The following ATP8A1 variants were observed in gnomAD, a reference collection of about 807,000 sequenced individuals.
ATP8A1 encodes the protein phospholipid-transporting ATPase IA.
ATP8A1 carries 90 observed loss-of-function variants against 177.7 expected under a neutral mutation model. The ratio of observed to expected loss-of-function variants is 0.51; its 90% CI spans 0.43 to 0.60. The LOEUF (loss-of-function observed/expected upper bound fraction) is 0.60. ATP8A1 is among the 20% of genes least tolerant of loss of function. The probability of loss-of-function intolerance (pLI) is 0.00; values close to 1 mark genes in which losing one functional copy is unlikely to be tolerated. For missense variants in ATP8A1, 1,072 were observed against 1,392.8 expected, an observed-to-expected ratio of 0.77 and a Z score of 3.67; for synonymous variants, 493 against 485.9, an observed-to-expected ratio of 1.01 and a Z score of -0.19.
chr4:42,636,146 A>AAACG (rs1739331015), intron 1 of ATP8A1, among the ~76,000 whole-genome samples: 1 of 28,934 alleles, frequency 3.5e-5, no homozygotes, highest in South Asian at 1.3e-3. Context: ...ACACACACAC[A>AAACG]CACACACACA....
intron 32 of ATP8A1, among the ~76,000 whole-genome samples, chr4:42,444,113 C>G (rs1716950581): frequency 6.6e-6 from 1 of 152,156 alleles, no homozygotes; most frequent in South Asian, 2.1e-4. Context: ...TTTCCGGGGT[C>G]TCTACTGGAC....
intron 3 of ATP8A1, chr4:42,625,402 T>C: frequency 2.5e-6 from 1 of 405,142 alleles, no homozygotes; most frequent in African/African-American, 2.1e-5. Flanking sequence ...CCTTGCCACA[T>C]CAAATTTATA....
At chr4:42,584,438 G>A (rs936949137) in intron 9 of ATP8A1, among the ~76,000 whole-genome samples, 6 of 152,198 alleles carry the variant, frequency 3.9e-5, no homozygotes, top group South Asian at 2.1e-4. Flanking sequence ...TCAGGCACCT[G>A]TTCTAATCAA....
chr4:42,523,659 A>C (rs969952622), intron 21 of ATP8A1, among the ~76,000 whole-genome samples: 1 of 152,152 alleles, frequency 6.6e-6, no homozygotes, highest in Non-Finnish European at 1.5e-5. Context: ...ATTAAAATCT[A>C]TGAGTTGAGT....
chr4:42,545,829 C>T (rs928895389), intron 19 of ATP8A1, among the ~76,000 whole-genome samples: 7 of 152,080 alleles, frequency 4.6e-5, no homozygotes, highest in Non-Finnish European at 1.0e-4. Context: ...CAAAGATTAG[C>T]CAGGCATGGT....
At chr4:42,438,913 G>A (rs1394113133) in intron 33 of ATP8A1, among the ~76,000 whole-genome samples, 1 of 152,140 alleles carries the variant, frequency 6.6e-6, no homozygotes, top group Non-Finnish European at 1.5e-5. Flanking sequence ...CATAGCGCCT[G>A]GAGAACTCAG....
chr4:42,422,324 T>C (rs1224645606), intron 35 of ATP8A1, among the ~76,000 whole-genome samples: 1 of 152,164 alleles, frequency 6.6e-6, no homozygotes, highest in African/African-American at 2.4e-5. Flanking sequence ...ACTCCTGACC[T>C]TGTTATCTGC....
chr4:42,507,184 A>G (rs777267502), intron 22 of ATP8A1, 30 bp from the exon 23 acceptor site: 23 of 1,609,400 alleles, frequency 1.4e-5, no homozygotes, highest in Non-Finnish European at 1.9e-5. Context: ...GAAATGTTTT[A>G]AAAATCCGTT....
intron 6 of ATP8A1, among the ~76,000 whole-genome samples, chr4:42,594,033 G>A (rs1734470443): frequency 6.6e-6 from 1 of 152,022 alleles, no homozygotes; most frequent in African/African-American, 2.4e-5. Flanking sequence ...CCCCACAAAA[G>A]ATCTGGATAG....
At chr4:42,635,792 T>C (rs1312523225) in intron 1 of ATP8A1, among the ~76,000 whole-genome samples, 1 of 105,682 alleles carries the variant, frequency 9.5e-6, no homozygotes, top group African/African-American at 4.1e-5. Flanking sequence ...CATATATATA[T>C]ATATATATAT....
chr4:42,414,057 C>T (rs1712942201), intron 36 of ATP8A1, among the ~76,000 whole-genome samples: 1 of 149,312 alleles, frequency 6.7e-6, no homozygotes, highest in African/African-American at 2.5e-5. Flanking sequence ...AAGCATTAGA[C>T]ATGAGTATAC....
chr4:42,625,835 G>T, intron 2 of ATP8A1, 122 bp from the exon 3 acceptor site: 1 of 508,046 alleles, frequency 2.0e-6, no homozygotes, highest in Non-Finnish European at 3.5e-6. Flanking sequence ...TTTCAAATTG[G>T]GAGAATATTG....
intron 33 of ATP8A1, among the ~76,000 whole-genome samples, chr4:42,429,974 G>A (rs1333499643): frequency 6.6e-6 from 1 of 152,170 alleles, no homozygotes; most frequent in East Asian, 1.9e-4. Context: ...AGGGGAAAAG[G>A]AGAATGGGGA....
chr4:42,600,208 C>T (rs1052860124), intron 6 of ATP8A1, among the ~76,000 whole-genome samples: 10 of 151,910 alleles, frequency 6.6e-5, no homozygotes, highest in African/African-American at 1.9e-4. Flanking sequence ...CAAAACAGTT[C>T]ATGGTTAAAT....
chr4:42,514,986 T>C (rs1040251621), intron 22 of ATP8A1, among the ~76,000 whole-genome samples: 2 of 152,194 alleles, frequency 1.3e-5, no homozygotes, highest in African/African-American at 4.8e-5. Flanking sequence ...ATTGTTAAAA[T>C]TAATAAATTA....
intron 4 of ATP8A1, among the ~76,000 whole-genome samples, chr4:42,624,085 T>C (rs946697240): frequency 6.6e-6 from 1 of 152,046 alleles, no homozygotes; most frequent in African/African-American, 2.4e-5. Flanking sequence ...TATTACTTTC[T>C]TTTAAAAAAA....
Position 42,452,063 on chromosome 4 carries a change from AG to A in ATP8A1, c.2818-5del. 2 of 1,610,250 alleles carry A rather than the reference AG, an allele frequency of 1.2e-6. No homozygotes were observed. The highest frequency in any genetic ancestry group is 1.7e-6 in the Non-Finnish European group (2 of 1,177,480). On this transcript the variant is annotated splice_polypyrimidine_tract_variant and splice_region_variant and intron_variant, in intron 29 of 36. Coordinates refer to ENST00000381668, the MANE Select transcript of ATP8A1 (RefSeq NM_006095.2). The stretch of plus-strand genomic sequence containing the variant: ...TTAAACAATGAACCCAGAAAACCTG[AG>A]GGAAAACAAAAATCCATGAGAACCA...
At chr4:42,528,368 T>C (rs1393031167) in intron 20 of ATP8A1, among the ~76,000 whole-genome samples, 2 of 151,852 alleles carry the variant, frequency 1.3e-5, no homozygotes, top group Non-Finnish European at 2.9e-5. Context: ...TTACAGAGAT[T>C]AGTGCCACCA....
In ATP8A1 at chr4:42,555,119, ATCTATCTATCTATCTATCTAATCT is replaced by A. The variant is rs1322818162; in HGVS notation, c.1413+825_1413+848del. Among the ~76,000 whole-genome samples the A allele has an allele frequency of 5.9e-4, 58 of 97,998 alleles. 1 individual carries two copies. In the South Asian group the frequency reaches 6.6e-3, roughly 11 times the overall value. 64.3% of individuals were successfully genotyped at this position (97,998 alleles called of 152,430 possible). On this transcript the variant is annotated intron_variant, in intron 16 of 36. Coordinates refer to ENST00000381668, the MANE Select transcript of ATP8A1 (RefSeq NM_006095.2). ...TATCTATCTATCTATCTATCTATCT[ATCTATCTATCTATCTATCTAATCT>A]ATCTATCTATCTATCTATCTATCTA...
Sources: gnomAD v4.1 joint callset for allele counts (sites outside exome capture counted in the v4.1 genomes callset) on GRCh38, gnomAD v4.1.1 for gene constraint, MANE v1.5 for transcripts, NCBI Gene and HGNC (gene_info 2026-07-23, HGNC 2026-07-21) for gene names.